HHIP: variants seen among roughly 807,000 people sequenced by gnomAD.
HHIP encodes the protein hedgehog-interacting protein.
Under a neutral mutation model 74.0 loss-of-function variants are expected in HHIP, and 12 were observed. The observed-to-expected ratio is 0.16, with a 90% confidence interval of 0.10 to 0.26. The LOEUF (loss-of-function observed/expected upper bound fraction) is 0.26. Among genes scored for constraint, HHIP ranks in the 10% least tolerant of loss-of-function variants. HHIP has a pLI of 1.00. For synonymous variants in HHIP, 309 were observed against 311.6 expected (o/e 0.99, Z 0.09); for missense variants, 788 against 845.0 (o/e 0.93, Z 0.84).
At chr4:144,685,373 T>A (rs1365901023) in intron 4 of HHIP, among the ~76,000 whole-genome samples, 1 of 152,238 alleles carries the variant, frequency 6.6e-6, no homozygotes. Context: ...ACCTTAATAT[T>A]TGGAGATTTT....
At chr4:144,667,439 C>T (rs945287076) in intron 4 of HHIP, among the ~76,000 whole-genome samples, 6 of 152,156 alleles carry the variant, frequency 3.9e-5, no homozygotes, top group South Asian at 4.1e-4. Flanking sequence ...CAAAATAATA[C>T]GGCAGTCCCT....
chr4:144,711,852 C>A (rs2126660593), intron 7 of HHIP, 98 bp from the exon 8 acceptor site: 1 of 1,179,976 alleles, frequency 8.5e-7, no homozygotes, highest in Non-Finnish European at 1.2e-6. Context: ...AGGATCCTTG[C>A]CAGTCCACAA....
chr4:144,708,632 A>T (rs1479451765), intron 7 of HHIP, among the ~76,000 whole-genome samples: 2 of 152,056 alleles, frequency 1.3e-5, no homozygotes, highest in African/African-American at 4.8e-5. Context: ...TAATCTGAAC[A>T]GTTTAGAGAG....
chr4:144,725,204 G>C (rs1015498359), intron 11 of HHIP, among the ~76,000 whole-genome samples: 9 of 152,144 alleles, frequency 5.9e-5, no homozygotes, highest in African/African-American at 2.2e-4. Flanking sequence ...TTTTTGAAAA[G>C]ATGTTTTCTA....
intron 3 of HHIP, 65 bp downstream of exon 3, chr4:144,659,011 G>T: frequency 7.4e-7 from 1 of 1,354,502 alleles, no homozygotes; most frequent in Non-Finnish European, 1.0e-6. Flanking sequence ...TTGTGGTTTT[G>T]ACAGTGAATC....
intron 4 of HHIP, among the ~76,000 whole-genome samples, chr4:144,695,545 G>A (rs962756684): frequency 1.3e-5 from 2 of 151,178 alleles, no homozygotes; most frequent in Non-Finnish European, 3.0e-5. Context: ...TTGGAGGGGA[G>A]GAAATATTGT....
rs1428657899 is a variant in HHIP at position 144,740,108 on chromosome 4, T to C, written c.*2151T>C. ...TGTGAGGGAGCCAGCTGTCTAAATC[T>C]GTCAAATCGTGCAGTTTTATTACAC... On this transcript the variant is annotated 3_prime_UTR_variant, in exon 13 of 13. Transcript: ENST00000296575. 1 of 152,236 alleles carries C rather than the reference T, an allele frequency of 6.6e-6. No individual in the cohort carries two copies. Among genetic ancestry groups the C allele is most frequent in the African/African-American group, 2.4e-5 (1 of 41,468 alleles). 9.4% of individuals were successfully genotyped at this position (152,236 alleles called of 1,614,324 possible). A position where few individuals can be genotyped will look rare whatever the true frequency, so the allele number is the denominator to read the frequency against.
In HHIP at chr4:144,718,953, A is replaced by G; in HGVS notation, c.1757A>G (p.Lys586Arg). 6.3e-7 allele frequency: 1 copy of G among 1,579,640 alleles called. No individual in the cohort carries two copies. The highest frequency in any genetic ancestry group is 8.7e-7 in the Non-Finnish European group (1 of 1,149,100). ...NGKLYKIVDP[K>R]RPLMPEECRA... ...AAACTCTACAAAATTGTAGATCCCA[A>G]AAGGTGAGATTTCCTTTTATCCCAT... Residue 586 changes from lysine to arginine, a missense_variant, in exon 11 of 13, where the codon AAA becomes AGA. This residue lies in a region of HHIP where 343 missense variants were observed against 347.9 expected (regional missense o/e 0.99). Transcript: ENST00000296575.
chr4:144,662,516 A>T (rs969952393), intron 4 of HHIP, among the ~76,000 whole-genome samples: 2 of 152,176 alleles, frequency 1.3e-5, no homozygotes, highest in Non-Finnish European at 2.9e-5. Context: ...TTTGCTATAG[A>T]AAAAAAAGTT....
intron 4 of HHIP, among the ~76,000 whole-genome samples, chr4:144,682,204 C>A (rs551095791): frequency 6.6e-6 from 1 of 152,290 alleles, no homozygotes; most frequent in African/African-American, 2.4e-5. Context: ...AACTGAGAAG[C>A]AGAGGAGGAA....
rs940472988 is a variant in HHIP, at chr4:144,743,986, A to G, written c.*6029A>G. The stretch of plus-strand genomic sequence containing the variant: ...GGAACAAATTAAGATTTCATGTACA[A>G]TAGAGTCCCTTTCCTAATACTGTTA... On this transcript the variant is annotated 3_prime_UTR_variant, in exon 13 of 13. Transcript: ENST00000296575. 12 of 152,144 alleles carry G rather than the reference A, an allele frequency of 7.9e-5. No homozygotes were observed. The highest frequency in any genetic ancestry group is 2.9e-4 in the African/African-American group (12 of 41,468). The allele number at this position is 152,144 out of a possible 1,614,324, so 9.4% of individuals were successfully genotyped here.
At chr4:144,725,330 CAAAT>C (rs978249565) in intron 11 of HHIP, among the ~76,000 whole-genome samples, 109 of 152,266 alleles carry the variant, frequency 7.2e-4, no homozygotes, top group Admixed American at 4.7e-3. Context: ...TCAACCGTGA[CAAAT>C]GAATGATATA....
intron 6 of HHIP, 147 bp from the exon 7 acceptor site, chr4:144,708,021 A>G: frequency 1.3e-6 from 1 of 793,690 alleles, no homozygotes; most frequent in Non-Finnish European, 2.0e-6. Flanking sequence ...GGGATTACAG[A>G]CGTGAGCCAC....
intron 11 of HHIP, among the ~76,000 whole-genome samples, chr4:144,727,194 C>T (rs537703136): frequency 2.0e-5 from 3 of 152,136 alleles, no homozygotes; most frequent in Admixed American, 6.6e-5. Context: ...GTGAAGGCTC[C>T]GTTTCTGGTT....
Position 144,714,272 on chromosome 4 carries a change from T to C in HHIP, c.1471T>C (p.Leu491=), listed in dbSNP as rs546482278. Residue 491 remains leucine (L), a synonymous_variant, in exon 9 of 13, where the codon TTG becomes CTG. Transcript: ENST00000296575. The stretch of plus-strand genomic sequence containing the variant: ...ATTCAAGCCATTCAGTAATGGTCCT[T>C]TGGTTGGTGGATTTGTATACCGGGG... ...LEFKPFSNGP[L]VGGFVYRGCQ... The C allele has an allele frequency of 1.2e-6, 2 of 1,613,324 alleles. No individual in the cohort carries two copies. Among genetic ancestry groups the C allele is most frequent in the East Asian group, 4.5e-5 (2 of 44,850 alleles).
At chr4:144,668,535 C>G (rs1728942094) in intron 4 of HHIP, among the ~76,000 whole-genome samples, 1 of 152,102 alleles carries the variant, frequency 6.6e-6, no homozygotes, top group African/African-American at 2.4e-5. Context: ...GGGCAGATCA[C>G]GAGGTCAAGA....
chr4:144,720,029 A>G (rs1272700279), intron 11 of HHIP, among the ~76,000 whole-genome samples: 3 of 152,232 alleles, frequency 2.0e-5, no homozygotes, highest in Non-Finnish European at 4.4e-5. Context: ...GAACAAAAAA[A>G]GAATCAGTTC....
At chr4:144,721,015 T>G (rs1449072552) in intron 11 of HHIP, among the ~76,000 whole-genome samples, 1 of 152,136 alleles carries the variant, frequency 6.6e-6, no homozygotes, top group Non-Finnish European at 1.5e-5. Context: ...TAAAAAAGAT[T>G]CTTGTCAGCT....
intron 11 of HHIP, among the ~76,000 whole-genome samples, chr4:144,728,546 T>C (rs1578729286): frequency 6.6e-6 from 1 of 152,214 alleles, no homozygotes. Context: ...CAAAGGTTTT[T>C]TTTCCTCTTT....
Sources: gnomAD v4.1 joint callset for allele counts (sites outside exome capture counted in the v4.1 genomes callset) on GRCh38, gnomAD v4.1.1 for gene constraint, gnomAD v4.1.1 regional missense constraint, MANE v1.5 for transcripts, NCBI Gene and HGNC (gene_info 2026-07-23, HGNC 2026-07-21) for gene names.